Variants in CSMD1 observed in about 807,000 individuals in gnomAD.
CSMD1 encodes CUB and Sushi multiple domains 1.
In CSMD1, 213 loss-of-function variants were observed where a neutral mutation model predicts 417.5. That is an observed-to-expected ratio of 0.51 (90% CI 0.46 to 0.57). CSMD1 has a LOEUF of 0.57. Among genes scored for constraint, CSMD1 ranks in the 20% least tolerant of loss-of-function variants. The pLI is 0.00. For synonymous variants in CSMD1, 2,862 were observed against 1,736.8 expected, an observed-to-expected ratio of 1.65 and a Z score of -16.11; for missense variants, 6,923 against 4,529.7, an observed-to-expected ratio of 1.53 and a Z score of -15.17.
At chr8:3,127,901 A>G (rs1817591644) in intron 41 of CSMD1, 1 of 121,756 alleles carries the variant, frequency 8.2e-6, no homozygotes, top group Non-Finnish European at 1.7e-5. Flanking sequence ...GGAGGAATGA[A>G]GGAAGGAAGG....
chr8:4,959,195 T>C (rs767337481), intron 1 of CSMD1, among the ~76,000 whole-genome samples: 15 of 152,362 alleles, frequency 9.8e-5, no homozygotes, highest in Admixed American at 4.6e-4. Context: ...AAGTACGTTC[T>C]GTTCAACGTT....
chr8:4,195,128 A>G (rs1039993311), intron 3 of CSMD1, among the ~76,000 whole-genome samples: 3 of 152,208 alleles, frequency 2.0e-5, no homozygotes, highest in African/African-American at 4.8e-5. Context: ...ATTTTAAAGG[A>G]AAAATTCTAC....
chr8:3,899,272 C>A (rs546920545), intron 5 of CSMD1, among the ~76,000 whole-genome samples: 1 of 152,270 alleles, frequency 6.6e-6, no homozygotes, highest in South Asian at 2.1e-4. Flanking sequence ...AGGAGCTCCC[C>A]GCCCTGCTAA....
intron 5 of CSMD1, among the ~76,000 whole-genome samples, chr8:3,994,457 A>G (rs1242438651): frequency 6.7e-6 from 1 of 150,072 alleles, no homozygotes; most frequent in African/African-American, 2.5e-5. Flanking sequence ...GAAAAAAAAA[A>G]AAAAAAAAAG....
chr8:3,920,914 G>T (rs973397185), intron 5 of CSMD1, among the ~76,000 whole-genome samples: 3 of 152,070 alleles, frequency 2.0e-5, no homozygotes, highest in Admixed American at 1.3e-4. Flanking sequence ...TTTGATTACA[G>T]ACATTGGCCT....
intron 29 of CSMD1, 121 bp from the exon 30 acceptor site, chr8:3,214,812 G>C: frequency 1.8e-6 from 1 of 558,342 alleles, no homozygotes; most frequent in Non-Finnish European, 3.0e-6. Context: ...TCCTAAATAA[G>C]TAAGAAATGC....
chr8:3,982,275 T>C (rs910969710), intron 5 of CSMD1, among the ~76,000 whole-genome samples: 2 of 151,512 alleles, frequency 1.3e-5, no homozygotes, highest in Admixed American at 6.6e-5. Context: ...ATTTAAATCC[T>C]GGTCTACATT....
At chr8:4,153,851 A>G (rs1182608785) in intron 3 of CSMD1, among the ~76,000 whole-genome samples, 24 of 152,240 alleles carry the variant, frequency 1.6e-4, no homozygotes, top group Admixed American at 1.6e-3. Flanking sequence ...TGGTGACCGT[A>G]GCTATGTGGC....
chr8:3,166,739 G>T (rs957440488), intron 37 of CSMD1, among the ~76,000 whole-genome samples: 2 of 151,810 alleles, frequency 1.3e-5, no homozygotes, highest in African/African-American at 4.8e-5. Flanking sequence ...TAGGTATCTA[G>T]GAAGACATAT....
intron 37 of CSMD1, among the ~76,000 whole-genome samples, chr8:3,168,547 T>C (rs929906273): frequency 6.6e-6 from 1 of 152,086 alleles, no homozygotes; most frequent in Non-Finnish European, 1.5e-5. Flanking sequence ...AAATGTCAAA[T>C]GCCATGATTA....
At chr8:4,788,449 A>G (rs988323230) in intron 1 of CSMD1, 2 of 1,326,974 alleles carry the variant, frequency 1.5e-6, no homozygotes, top group South Asian at 1.2e-5. Flanking sequence ...CACTTTCTCC[A>G]GAAGGATCAG....
chr8:3,948,318 A>G (rs981185765), intron 5 of CSMD1, among the ~76,000 whole-genome samples: 1 of 152,138 alleles, frequency 6.6e-6, no homozygotes, highest in Non-Finnish European at 1.5e-5. Flanking sequence ...TGAAGAGTAT[A>G]AGGGGCTTAG....
At chr8:4,399,994 C>G (rs551145213) in intron 3 of CSMD1, among the ~76,000 whole-genome samples, 67 of 152,152 alleles carry the variant, frequency 4.4e-4, no homozygotes, top group South Asian at 2.1e-3. Flanking sequence ...GCCTTTCTTT[C>G]CAAGTGAATT....
intron 2 of CSMD1, among the ~76,000 whole-genome samples, chr8:4,544,193 C>G (rs1304861147): frequency 6.6e-6 from 1 of 152,116 alleles, no homozygotes; most frequent in African/African-American, 2.4e-5. Flanking sequence ...ATTGCCAAAC[C>G]TAAAGCCATC....
chr8:3,322,997 C>G (rs191712305), intron 23 of CSMD1, among the ~76,000 whole-genome samples: 102 of 152,292 alleles, frequency 6.7e-4, no homozygotes, highest in Middle Eastern at 6.8e-3. Flanking sequence ...TCATCAGAAC[C>G]TAAACCTCAC....
chr8:3,850,096 A>G (rs2975385), intron 5 of CSMD1, among the ~76,000 whole-genome samples: 25,840 of 152,230 alleles, frequency 0.17, 2,433 homozygotes, highest in East Asian at 0.4. Context: ...GCACCCAGCA[A>G]AGAGTATATC....
intron 3 of CSMD1, among the ~76,000 whole-genome samples, chr8:4,260,101 C>G (rs1322702460): frequency 6.6e-6 from 1 of 151,890 alleles, no homozygotes; most frequent in East Asian, 1.9e-4. Flanking sequence ...CTAGAAATTG[C>G]TAGACTCTTC....
At chr8:4,665,909 T>A (rs1235284663) in intron 1 of CSMD1, among the ~76,000 whole-genome samples, 1 of 152,222 alleles carries the variant, frequency 6.6e-6, no homozygotes, top group African/African-American at 2.4e-5. Context: ...GGTATATATT[T>A]TACTTTACAA....
chr8:4,054,066 C>T (rs1333669977), intron 3 of CSMD1, among the ~76,000 whole-genome samples: 1 of 152,150 alleles, frequency 6.6e-6, no homozygotes, highest in Non-Finnish European at 1.5e-5. Context: ...AATGCTACTC[C>T]TATCTCTCTC....
Sources: allele counts gnomAD v4.1 joint callset (sites outside exome capture counted in the v4.1 genomes callset), GRCh38; gene constraint gnomAD v4.1.1; transcripts MANE v1.5; gene names NCBI Gene and HGNC (gene_info 2026-07-23, HGNC 2026-07-21).